Variants in CHRM3 observed in about 807,000 individuals in gnomAD.
The protein encoded by CHRM3 is cholinergic receptor muscarinic 3, also known as muscarinic acetylcholine receptor M3.
In CHRM3, 11 loss-of-function variants were observed where a neutral mutation model predicts 41.8. The observed-to-expected ratio is 0.26, with a 90% confidence interval of 0.17 to 0.44. The LOEUF (loss-of-function observed/expected upper bound fraction) is 0.44. Among genes scored for constraint, CHRM3 ranks in the 20% least tolerant of loss-of-function variants. The pLI is 1.00. For synonymous variants in CHRM3, 297 were observed against 301.4 expected (o/e 0.99, Z 0.15); for missense variants, 571 against 745.4 (o/e 0.77, Z 2.72).
chr1:239,750,871 T>C (rs1665759528), intron 5 of CHRM3, among the ~76,000 whole-genome samples: 1 of 152,196 alleles, frequency 6.6e-6, no homozygotes, highest in African/African-American at 2.4e-5. Flanking sequence ...ATTTAATTTG[T>C]CTAAAGTTTT....
intron 1 of CHRM3, among the ~76,000 whole-genome samples, chr1:239,466,813 G>T (rs1665762907): frequency 6.6e-6 from 1 of 151,916 alleles, no homozygotes; most frequent in Non-Finnish European, 1.5e-5. Context: ...ACTTATTTGG[G>T]TACATAAAAA....
intron 2 of CHRM3, among the ~76,000 whole-genome samples, chr1:239,530,645 T>C (rs990361864): frequency 2.0e-5 from 3 of 152,250 alleles, no homozygotes; most frequent in Non-Finnish European, 4.4e-5. Context: ...TGCGTGATCC[T>C]TCACCAAATG....
intron 5 of CHRM3, among the ~76,000 whole-genome samples, chr1:239,775,043 T>C (rs376616001): frequency 3.9e-4 from 60 of 152,326 alleles, no homozygotes; most frequent in African/African-American, 1.3e-3. Context: ...TCAGTCTTTC[T>C]AGAGACTCTA....
intron 4 of CHRM3, among the ~76,000 whole-genome samples, chr1:239,668,089 C>CTTTTTTTTTTTTTTTTTTT (rs1221135009): frequency 7.9e-5 from 6 of 75,598 alleles, no homozygotes; most frequent in Non-Finnish European, 1.3e-4. Context: ...TTTCCCCTTT[C>CTTTTTTTTTTTTTTTTTTT]TTTTTTTTTT....
chr1:239,834,148 TCACACACACA>T (rs34990180), intron 6 of CHRM3, among the ~76,000 whole-genome samples: 83 of 135,318 alleles, frequency 6.1e-4, no homozygotes, highest in South Asian at 4.0e-3. Context: ...TAATTCCACA[TCACACACACA>T]CACACACACA....
intron 5 of CHRM3, among the ~76,000 whole-genome samples, chr1:239,699,679 A>C (rs1001540389): frequency 6.6e-6 from 1 of 152,232 alleles, no homozygotes; most frequent in Non-Finnish European, 1.5e-5. Flanking sequence ...GTCTTCATAC[A>C]TAAAGTATTT....
chr1:239,901,295 C>G lies in CHRM3; in HGVS notation c.-19-6138C>G, dbSNP rs117304563. Among the ~76,000 whole-genome samples the G allele has an allele frequency of 9.9e-4, 151 of 152,200 alleles. 2 individuals carry two copies. In the East Asian group the frequency reaches 0.026, roughly 26 times the overall value. On this transcript the variant is annotated intron_variant, in intron 6 of 6. Transcript: ENST00000676153. ...CACCAATATCTGCCCCCTTTTAACT[C>G]TCTTCTTCACTTCCTTCTGGCTTCG...
intron 3 of CHRM3, among the ~76,000 whole-genome samples, chr1:239,562,147 A>G (rs1292675392): frequency 6.6e-6 from 1 of 152,194 alleles, no homozygotes; most frequent in Admixed American, 6.5e-5. Flanking sequence ...CTTTCTCGAC[A>G]GCAACCACAA....
chr1:239,567,491 T>C (rs1661465171), intron 3 of CHRM3, among the ~76,000 whole-genome samples: 1 of 152,182 alleles, frequency 6.6e-6, no homozygotes, highest in Non-Finnish European at 1.5e-5. Context: ...ACGGTAGATA[T>C]GCAGGGTAAA....
At chr1:239,673,601 A>G (rs914789265) in intron 4 of CHRM3, among the ~76,000 whole-genome samples, 1 of 152,148 alleles carries the variant, frequency 6.6e-6, no homozygotes. Flanking sequence ...ACATTATAAG[A>G]ATGAGATTAT....
At chr1:239,650,030 G>T (rs1672093765) in intron 4 of CHRM3, among the ~76,000 whole-genome samples, 1 of 152,174 alleles carries the variant, frequency 6.6e-6, no homozygotes, top group Non-Finnish European at 1.5e-5. Flanking sequence ...ATCTCAGACA[G>T]CCCTCGGTGT....
intron 6 of CHRM3, among the ~76,000 whole-genome samples, chr1:239,872,549 ATC>A (rs1676684291): frequency 6.6e-6 from 1 of 152,206 alleles, no homozygotes; most frequent in Non-Finnish European, 1.5e-5. Flanking sequence ...TATCCAGAAC[ATC>A]TGAGAAATGA....
At chr1:239,868,548 G>A (rs1343536640) in intron 6 of CHRM3, among the ~76,000 whole-genome samples, 1 of 152,064 alleles carries the variant, frequency 6.6e-6, no homozygotes, top group Non-Finnish European at 1.5e-5. Context: ...ACTTTAAGCT[G>A]TTTCTCTCAC....
At chr1:239,735,002 G>T (rs1664279970) in intron 5 of CHRM3, among the ~76,000 whole-genome samples, 1 of 152,104 alleles carries the variant, frequency 6.6e-6, no homozygotes, top group African/African-American at 2.4e-5. Context: ...ATTTGCATTT[G>T]CTCCAAAAGG....
chr1:239,898,946 T>A (rs1679243086), intron 6 of CHRM3, among the ~76,000 whole-genome samples: 1 of 152,224 alleles, frequency 6.6e-6, no homozygotes, highest in African/African-American at 2.4e-5. Context: ...AGAACTAACC[T>A]TCAATTTCTC....
chr1:239,890,262 G>A (rs1324094998), intron 6 of CHRM3, among the ~76,000 whole-genome samples: 1 of 151,930 alleles, frequency 6.6e-6, no homozygotes, highest in Non-Finnish European at 1.5e-5. Flanking sequence ...CAGGAGGTGA[G>A]GTTGCGGAGA....
intron 2 of CHRM3, among the ~76,000 whole-genome samples, chr1:239,541,369 T>C (rs1658759285): frequency 6.6e-6 from 1 of 152,182 alleles, no homozygotes. Flanking sequence ...GGAATGTCGT[T>C]ACTGGGAGCT....
At chr1:239,437,026 C>G (rs1270146648) in intron 1 of CHRM3, among the ~76,000 whole-genome samples, 1 of 152,000 alleles carries the variant, frequency 6.6e-6, no homozygotes, top group Non-Finnish European at 1.5e-5. Flanking sequence ...CACAGGAACT[C>G]TTAAAAAAAA....
chr1:239,560,056 G>A (rs1283472089), intron 3 of CHRM3, among the ~76,000 whole-genome samples: 1 of 152,108 alleles, frequency 6.6e-6, no homozygotes, highest in African/African-American at 2.4e-5. Flanking sequence ...GGCATTTTGT[G>A]TGCAAAATTA....
Sources: gnomAD v4.1 joint callset for allele counts (sites outside exome capture counted in the v4.1 genomes callset) on GRCh38, gnomAD v4.1.1 for gene constraint, MANE v1.5 for transcripts, NCBI Gene and HGNC (gene_info 2026-07-23, HGNC 2026-07-21) for gene names.